RP1: variants seen among roughly 807,000 people sequenced by gnomAD.
The protein encoded by RP1 is RP1 axonemal microtubule associated, also known as oxygen-regulated protein 1.
In RP1, 16 loss-of-function variants were observed where a neutral mutation model predicts 14.8. The ratio of observed to expected loss-of-function variants is 1.08; its 90% CI spans 0.73 to 1.65. The LOEUF (loss-of-function observed/expected upper bound fraction) is 1.65. Among genes scored for constraint, RP1 ranks in the 40% most tolerant of loss-of-function variants. RP1 has a pLI of 0.00. For missense variants in RP1, 2,631 were observed against 2,535.0 expected (o/e 1.04, Z -0.81); for synonymous variants, 876 against 883.6 (o/e 0.99, Z 0.15).
rs143100238 is a variant in RP1, at chr8:54,650,914, C to T, written c.951+1766C>T. On this transcript the variant is annotated intron_variant, in intron 4 of 22. Coordinates refer to the RP1 transcript ENST00000636932. ...GGACGTTATCTGTGGGTTTTTCTCA[C>T]GATAAGTGCCCTTTATCATGTTCAG... Among the ~76,000 whole-genome samples, 482 of 151,842 alleles carry T rather than the reference C, an allele frequency of 3.2e-3. 5 individuals carry two copies. Among genetic ancestry groups the T allele is most frequent in the African/African-American group, 0.011 (457 of 41,398 alleles).
chr8:54,844,408 G>A (rs1220510742), intron 25 of RP1, among the ~76,000 whole-genome samples: 3 of 152,196 alleles, frequency 2.0e-5, no homozygotes, highest in African/African-American at 7.2e-5. Context: ...TCCTAATTAA[G>A]ATGTAAGGTC....
chr8:54,575,814 G>A lies in RP1; in HGVS notation c.-13+16494G>A, dbSNP rs186754069. On this transcript the variant is annotated intron_variant, in intron 1 of 22. Coordinates refer to the RP1 transcript ENST00000636932. ...CACTCTATCCTCAAGTGGGGCCCCA[G>A]TGTTTGTTGTTCCCTACTTTGTGTC... Among the ~76,000 whole-genome samples the A allele has an allele frequency of 2.0e-5, 3 of 152,200 alleles. No individual in the cohort carries two copies. The East Asian group carries it at 5.8e-4, about 29-fold the overall frequency.
Position 54,622,216 on chromosome 8 carries a change from C to G in RP1, c.715C>G (p.Leu239Val), listed in dbSNP as rs755182172. 1.2e-5 allele frequency: 20 copies of G among 1,614,002 alleles called. No homozygotes were observed. The highest frequency in any genetic ancestry group is 1.5e-5 in the Non-Finnish European group (18 of 1,179,998). ...AAATTATGACATCCAAAAATACTTG[C>G]TTCCTGCTAGATTACCAGGGATCTC... Reference protein sequence around the residue: ...PGNYDIQKYLLPARLPGISQR... With the variant: ...PGNYDIQKYLVPARLPGISQR... Residue 239 changes from leucine (L) to valine (V), a missense_variant, in exon 3 of 4, where the codon CTT becomes GTT. Coordinates refer to ENST00000220676, the MANE Select transcript of RP1 (RefSeq NM_006269.2).
exon 29 of RP1, chr8:54,870,471 A>G (rs1425009840): frequency 1.3e-5 from 2 of 152,182 alleles, no homozygotes; most frequent in East Asian, 1.9e-4. Context: ...AAGAAAATGT[A>G]GAAAGAACCC....
chr8:54,680,610 C>T (rs1585601392), intron 12 of RP1, among the ~76,000 whole-genome samples: 1 of 152,224 alleles, frequency 6.6e-6, no homozygotes, highest in East Asian at 1.9e-4. Context: ...AAAATGTAAC[C>T]CCTTCTGCCT....
chr8:54,572,506 A>C (rs745908405), intron 1 of RP1, among the ~76,000 whole-genome samples: 1 of 152,258 alleles, frequency 6.6e-6, no homozygotes, highest in Non-Finnish European at 1.5e-5. Context: ...GGGATTAGGT[A>C]ACCTCTGAAG....
chr8:54,672,240 G>T (rs758687121), intron 7 of RP1, among the ~76,000 whole-genome samples: 16 of 152,232 alleles, frequency 1.1e-4, no homozygotes, highest in Non-Finnish European at 1.9e-4. Flanking sequence ...ATGGCTCCAA[G>T]TCAGGGGAGA....
chr8:54,808,274 G>A (rs1276142046), intron 24 of RP1, among the ~76,000 whole-genome samples: 1 of 152,168 alleles, frequency 6.6e-6, no homozygotes, highest in Admixed American at 6.5e-5. Context: ...GAGGCCCACT[G>A]CCCTCTAACT....
intron 24 of RP1, among the ~76,000 whole-genome samples, chr8:54,798,448 G>A (rs1810625845): frequency 6.6e-6 from 1 of 152,134 alleles, no homozygotes; most frequent in Non-Finnish European, 1.5e-5. Flanking sequence ...AAGGAAACAA[G>A]GAAAACTGAA....
intron 1 of RP1, among the ~76,000 whole-genome samples, chr8:54,575,586 C>T (rs12678609): frequency 0.19 from 29,565 of 152,068 alleles, 3,463 homozygotes; most frequent in East Asian, 0.36. Flanking sequence ...TAAGTTATTA[C>T]GACAATCGTC....
chr8:54,686,387 A>T (rs1043076840), intron 12 of RP1, among the ~76,000 whole-genome samples: 2 of 85,552 alleles, frequency 2.3e-5, no homozygotes, highest in African/African-American at 1.0e-4. Context: ...CTCCAGAAAA[A>T]GTTTTTTTTT....
At position 54,704,531 on chromosome 8, in the gene RP1, A is replaced by T. The variant is rs570170760; in HGVS notation, c.1999-1912A>T. The stretch of plus-strand genomic sequence containing the variant: ...AAAAGCTTGAAATATTGTGATAATT[A>T]CCAAAATGTGGCACAGAGACATGAA... On this transcript the variant is annotated intron_variant, in intron 14 of 22. Transcript: ENST00000636932. Among the ~76,000 whole-genome samples, 12 of 152,340 alleles carry T rather than the reference A, an allele frequency of 7.9e-5. No individual in the cohort carries two copies. The South Asian group carries it at 2.5e-3, about 32-fold the overall frequency.
intron 16 of RP1, among the ~76,000 whole-genome samples, chr8:54,722,207 CAAAAA>C (rs796358747): frequency 9.1e-6 from 1 of 110,382 alleles, no homozygotes; most frequent in South Asian, 2.9e-4. Context: ...ACTCTAGCTC[CAAAAA>C]AAAAAAAAAA....
chr8:54,737,695 G>A (rs1808966794), intron 18 of RP1, among the ~76,000 whole-genome samples: 1 of 152,142 alleles, frequency 6.6e-6, no homozygotes, highest in Admixed American at 6.5e-5. Flanking sequence ...ACAGGCCCAG[G>A]TCTGTTCTAG....
At chr8:54,591,180 C>A (rs377015104) in intron 1 of RP1, among the ~76,000 whole-genome samples, 7 of 152,172 alleles carry the variant, frequency 4.6e-5, no homozygotes, top group African/African-American at 1.7e-4. Context: ...CCACAATGAT[C>A]TCTTTAAAAT....
chr8:54,629,368 C>G lies in RP1; in HGVS notation c.5486C>G (p.Pro1829Arg). 6.2e-7 allele frequency: 1 copy of G among 1,614,144 alleles called. No homozygotes were observed. The change falls in exon 4 of 4, where the codon CCT becomes CGT. Residue 1829 changes from proline (P) to arginine (R), a missense_variant. Physicochemically the swap from Pro to Arg is moderately radical, Grantham distance 103. Coordinates refer to ENST00000220676, the MANE Select transcript of RP1 (RefSeq NM_006269.2). ...FNMPHGSDSE[P>R]FHEDLLDVRN... ...ATGCCTCATGGTAGTGACTCAGAAC[C>G]TTTTCATGAGGACTTGCTGGATGTT...
At chr8:54,700,516 C>T (rs1413211858) in intron 13 of RP1, among the ~76,000 whole-genome samples, 1 of 152,096 alleles carries the variant, frequency 6.6e-6, no homozygotes, top group African/African-American at 2.4e-5. Context: ...TCATAAGGTA[C>T]CCTACACTGT....
At chr8:54,741,200 T>A (rs896342385) in intron 19 of RP1, among the ~76,000 whole-genome samples, 1 of 152,186 alleles carries the variant, frequency 6.6e-6, no homozygotes, top group Non-Finnish European at 1.5e-5. Flanking sequence ...AAATATTTTT[T>A]ATGAATTTAG....
chr8:54,675,971 T>C (rs1807286720), intron 8 of RP1, among the ~76,000 whole-genome samples: 1 of 152,172 alleles, frequency 6.6e-6, no homozygotes, highest in South Asian at 2.1e-4. Context: ...GAGGGGCTTC[T>C]TGCTGTGTCC....
Sources: allele counts gnomAD v4.1 joint callset (sites outside exome capture counted in the v4.1 genomes callset), GRCh38; gene constraint gnomAD v4.1.1; transcripts MANE v1.5; gene names NCBI Gene and HGNC (gene_info 2026-07-23, HGNC 2026-07-21).